RFX3: variants seen among roughly 807,000 people sequenced by gnomAD.
RFX3 encodes transcription factor RFX3.
A neutral mutation model predicts 98.6 loss-of-function variants in RFX3; 14 were observed. The observed-to-expected ratio is 0.14, with a 90% CI of 0.09 to 0.22. RFX3 has a LOEUF of 0.22. Among genes scored for constraint, RFX3 ranks in the 10% least tolerant of loss-of-function variants. The pLI is 1.00. For missense variants in RFX3, 639 were observed against 926.9 expected (o/e 0.69, Z 4.03); for synonymous variants, 383 against 328.4 (o/e 1.17, Z -1.80).
chr9:3,435,644 A>T (rs974517141), intron 1 of RFX3, among the ~76,000 whole-genome samples: 3 of 151,926 alleles, frequency 2.0e-5, no homozygotes, highest in Admixed American at 6.6e-5. Context: ...ATGTTACCTC[A>T]ATATTGTATT....
At chr9:3,273,867 A>G (rs1824851022) in intron 9 of RFX3, among the ~76,000 whole-genome samples, 1 of 151,116 alleles carries the variant, frequency 6.6e-6, no homozygotes, top group Non-Finnish European at 1.5e-5. Flanking sequence ...TCTGTCTCAA[A>G]AAAAAAAAAA....
intron 1 of RFX3, among the ~76,000 whole-genome samples, chr9:3,504,911 TATA>T (rs1426499093): frequency 2.6e-5 from 2 of 75,690 alleles, no homozygotes; most frequent in South Asian, 3.8e-4. Context: ...TATATATATA[TATA>T]ATATAACATA....
At chr9:3,426,573 C>T (rs1844056423) in intron 1 of RFX3, among the ~76,000 whole-genome samples, 1 of 152,150 alleles carries the variant, frequency 6.6e-6, no homozygotes, top group South Asian at 2.1e-4. Flanking sequence ...TCTCTATTTA[C>T]AGCCACTCCC....
chr9:3,247,381 T>C lies in RFX3; in HGVS notation c.1968+651A>G, dbSNP rs112737409. On this transcript the variant is annotated intron_variant, in intron 15 of 16. Transcript: ENST00000617270. ...ATATGGGTTTGAAAATCAGACTGTGTTTGAAAAAAAAATCTCTACCATTTT... is the reference window on the plus strand; with the variant it reads ...ATATGGGTTTGAAAATCAGACTGTGCTTGAAAAAAAAATCTCTACCATTTT... The C allele has an allele frequency of 2.0e-3, 1,916 of 955,708 alleles. 25 individuals are homozygous for C. In the African/African-American group the frequency reaches 0.027, roughly 13 times the overall value. 59.2% of individuals were successfully genotyped at this position (955,708 alleles called of 1,614,324 possible). A position where few individuals can be genotyped will look rare whatever the true frequency, so the allele number is the denominator to read the frequency against.
At chr9:3,369,995 A>ATTTTTTTTTTTT (rs71324244) in intron 2 of RFX3, among the ~76,000 whole-genome samples, 1 of 132,642 alleles carries the variant, frequency 7.5e-6, no homozygotes, top group African/African-American at 2.9e-5. Flanking sequence ...CGCCCGGCTA[A>ATTTTTTTTTTTT]TTTTTTTTTT....
At chr9:3,495,882 T>A (rs557822332) in intron 1 of RFX3, among the ~76,000 whole-genome samples, 1 of 152,062 alleles carries the variant, frequency 6.6e-6, no homozygotes, top group Non-Finnish European at 1.5e-5. Context: ...TACCTTCTAA[T>A]TAAATTAAAT....
intron 1 of RFX3, among the ~76,000 whole-genome samples, chr9:3,460,603 T>TA (rs138550729): frequency 0.025 from 3,735 of 152,062 alleles, 90 homozygotes; most frequent in African/African-American, 0.05. Context: ...TCAGTCATTG[T>TA]AAAACCTTAT....
At chr9:3,330,204 G>A in intron 4 of RFX3, 55 bp downstream of exon 4, 1 of 1,567,950 alleles carries the variant, frequency 6.4e-7, no homozygotes. Flanking sequence ...CAAAGGAAAT[G>A]TTCATTAGAG....
Position 3,291,603 on chromosome 9 carries a change from C to T in RFX3, c.731+1474G>A, listed in dbSNP as rs983409816. 9.2e-5 allele frequency among the ~76,000 whole-genome samples: 14 copies of T among 152,072 alleles called. 1 individual carries two copies. The highest frequency in any genetic ancestry group is 2.1e-4 in the Non-Finnish European group (14 of 68,012). ...TTCTTTGGGCCATCATTTTTGAAAG[C>T]TCCCAGTCATGTAAAACTTATATTA... On this transcript the variant is annotated intron_variant, in intron 6 of 16. Transcript: ENST00000617270.
intron 1 of RFX3, among the ~76,000 whole-genome samples, chr9:3,478,142 C>A (rs1034940060): frequency 1.3e-5 from 2 of 152,086 alleles, no homozygotes; most frequent in Admixed American, 1.3e-4. Context: ...TAGGCTCCCA[C>A]AGGGACTTTT....
intron 1 of RFX3, among the ~76,000 whole-genome samples, chr9:3,440,028 G>A (rs1845484629): frequency 6.6e-6 from 1 of 151,810 alleles, no homozygotes; most frequent in African/African-American, 2.4e-5. Context: ...ATCTAAATAG[G>A]CACCTAAAAG....
In RFX3 at chr9:3,525,415, G is replaced by C. The variant is rs879541539; in HGVS notation, c.-9+332C>G. The stretch of plus-strand genomic sequence containing the variant: ...GACCTAAGGGAAAGATCCAGCATCC[G>C]CATCGGAAAACTGTGGCTCCCTCTC... On this transcript the variant is annotated intron_variant, in intron 1 of 16. Transcript: ENST00000617270. Among the ~76,000 whole-genome samples the C allele has an allele frequency of 3.3e-5, 5 of 152,180 alleles. No homozygotes were observed. In the East Asian group the frequency reaches 9.6e-4, roughly 29 times the overall value.
intron 1 of RFX3, among the ~76,000 whole-genome samples, chr9:3,406,986 G>C (rs537272608): frequency 6.6e-6 from 1 of 152,266 alleles, no homozygotes; most frequent in East Asian, 1.9e-4. Context: ...GTTTTAATAA[G>C]TACATCTGAT....
At chr9:3,494,299 CT>C (rs1247656989) in intron 1 of RFX3, among the ~76,000 whole-genome samples, 1 of 152,116 alleles carries the variant, frequency 6.6e-6, no homozygotes, top group Non-Finnish European at 1.5e-5. Flanking sequence ...AGTTGTTGAC[CT>C]GGAACCCCTT....
chr9:3,242,959 T>C (rs1012675022), intron 15 of RFX3, among the ~76,000 whole-genome samples: 2 of 151,912 alleles, frequency 1.3e-5, no homozygotes, highest in Non-Finnish European at 2.9e-5. Flanking sequence ...TAATAGATTA[T>C]TAAAAGGTTT....
intron 4 of RFX3, among the ~76,000 whole-genome samples, chr9:3,328,808 T>C (rs2920376): frequency 0.18 from 26,731 of 151,994 alleles, 2,422 homozygotes; most frequent in Middle Eastern, 0.22. Context: ...ATGAGAAATA[T>C]AAAGCTTCTC....
intron 1 of RFX3, among the ~76,000 whole-genome samples, chr9:3,424,650 G>A (rs1015465142): frequency 1.3e-5 from 2 of 151,974 alleles, no homozygotes. Flanking sequence ...GTGAGCCACC[G>A]CGCCCGGCCC....
chr9:3,275,846 T>A (rs1478499245), intron 8 of RFX3, among the ~76,000 whole-genome samples: 3 of 152,072 alleles, frequency 2.0e-5, no homozygotes, highest in Non-Finnish European at 4.4e-5. Flanking sequence ...AAATTTGCAA[T>A]ACAATTATAC....
rs568156483 is a variant in RFX3, at chr9:3,311,866, A to G, written c.475-10246T>C. On this transcript the variant is annotated intron_variant, in intron 4 of 16. Coordinates refer to ENST00000617270, the MANE Select transcript of RFX3 (RefSeq NM_001282116.2). ...ACCACTGCAAGCCAGCCTGGGCAAC[A>G]GAGCAAGACTCTGCCCACCCCCCTA... 3.9e-5 allele frequency among the ~76,000 whole-genome samples: 6 copies of G among 152,334 alleles called. No homozygotes were observed. In the South Asian group the frequency reaches 6.2e-4, roughly 16 times the overall value.
Sources: gnomAD v4.1 joint callset for allele counts (sites outside exome capture counted in the v4.1 genomes callset) on GRCh38, gnomAD v4.1.1 for gene constraint, MANE v1.5 for transcripts, NCBI Gene and HGNC (gene_info 2026-07-23, HGNC 2026-07-21) for gene names.